NAV1: variants seen among roughly 807,000 people sequenced by gnomAD.
NAV1 encodes neuron navigator 1.
In NAV1, 18 loss-of-function variants were observed where a neutral mutation model predicts 175.2. That is an observed-to-expected ratio of 0.10 (90% CI 0.07 to 0.15). The LOEUF (loss-of-function observed/expected upper bound fraction) is 0.15, where lower values mean the gene tolerates loss of function less well. Ranked by LOEUF, NAV1 falls within the 10% of genes least tolerant of loss-of-function variation. NAV1 has a pLI of 1.00. For missense variants in NAV1, 1,731 were observed against 2,436.6 expected, an observed-to-expected ratio of 0.71 and a Z score of 6.10; for synonymous variants, 897 against 978.7, an observed-to-expected ratio of 0.92 and a Z score of 1.56.
In NAV1 at chr1:201,573,000, G is replaced by A. The variant is rs181030774; in HGVS notation, c.-143-15539G>A. Among the ~76,000 whole-genome samples the A allele has an allele frequency of 4.9e-3, 752 of 152,266 alleles. 3 individuals carry two copies. Among genetic ancestry groups the A allele is most frequent in the Middle Eastern group, 0.01 (3 of 294 alleles). The stretch of plus-strand genomic sequence containing the variant: ...AGAAGCCTGAGCCCAGCAGCCCAAG[G>A]TCAGCTCCATCTGAAACTAGTGTCA... On this transcript the variant is annotated intron_variant, in intron 1 of 33. Coordinates refer to the NAV1 transcript ENST00000685211.
At chr1:201,555,819 G>A (rs1027948448) in intron 1 of NAV1, among the ~76,000 whole-genome samples, 4 of 140,788 alleles carry the variant, frequency 2.8e-5, no homozygotes, top group Admixed American at 1.5e-4. Context: ...TCGGGAGCCA[G>A]ATGGGTTCCC....
intron 1 of NAV1, among the ~76,000 whole-genome samples, chr1:201,691,067 G>A (rs762318236): frequency 6.6e-6 from 1 of 152,210 alleles, no homozygotes; most frequent in Non-Finnish European, 1.5e-5. Context: ...CAACAGAAAG[G>A]AGGTGGTGTG....
rs142836716 is a variant in NAV1, at chr1:201,808,854, C to T, written c.4190C>T (p.Pro1397Leu). ...CTGGCACTCACCCATTCCTTCGGCC[C>T]CAGTCTTGCAGACACAGGTACCTGT... Residue 1397 changes from proline to leucine, a missense_variant, in exon 20 of 30, where the codon CCC (proline) becomes CTC (leucine). Physicochemically the swap from Pro to Leu is moderately conservative, Grantham distance 98. Coordinates refer to ENST00000367296, the Ensembl canonical transcript of NAV1. This position sits in a 1 kb window ranked among gnomAD's most constrained non-coding sequence, Gnocchi z 5.5. 1 of 1,612,220 alleles carries T rather than the reference C, an allele frequency of 6.2e-7. No individual in the cohort carries two copies. Among genetic ancestry groups the T allele is most frequent in the African/African-American group, 1.3e-5 (1 of 74,886 alleles).
At chr1:201,754,781 G>T (rs1402049807) in intron 3 of NAV1, among the ~76,000 whole-genome samples, 2 of 152,140 alleles carry the variant, frequency 1.3e-5, no homozygotes, top group East Asian at 3.8e-4. Context: ...TTGTACCACA[G>T]GATTTGATTT....
intron 1 of NAV1, among the ~76,000 whole-genome samples, chr1:201,662,427 A>G (rs188962327): frequency 6.6e-6 from 1 of 152,312 alleles, no homozygotes; most frequent in African/African-American, 2.4e-5. Context: ...GGTGTGCACC[A>G]AGACTCTGGT....
At chr1:201,791,443 G>T (rs1444937512) in intron 13 of NAV1, 1 of 151,908 alleles carries the variant, frequency 6.6e-6, no homozygotes, top group Admixed American at 6.6e-5. Flanking sequence ...GGGGAGAAAT[G>T]AAGCCACCTC....
intron 1 of NAV1, among the ~76,000 whole-genome samples, chr1:201,565,883 C>G (rs931395009): frequency 4.6e-5 from 7 of 152,172 alleles, no homozygotes; most frequent in Non-Finnish European, 7.3e-5. Flanking sequence ...TTCCCCCAAT[C>G]CCTAGTCACT....
At position 201,651,861 on chromosome 1, in the gene NAV1, G is replaced by C. The variant is rs137953784; in HGVS notation, c.757+2436G>C. 5.5e-3 allele frequency among the ~76,000 whole-genome samples: 841 copies of C among 152,216 alleles called. 4 individuals carry two copies. Among genetic ancestry groups the C allele is most frequent in the African/African-American group, 0.019 (783 of 41,530 alleles). On this transcript the variant is annotated intron_variant, in intron 1 of 29. Transcript: ENST00000367296. ...CTCCAGCTGAGAGGACCCAAAGTTG[G>C]GGGGTGGGGAGTTGGTTCAGGCTGT... is the stretch of plus-strand genomic sequence containing the variant.
rs955634230 is a variant in NAV1 at position 201,781,039 on chromosome 1, C to A, written c.1393C>A (p.Leu465Met). 3.7e-6 allele frequency: 6 copies of A among 1,613,164 alleles called. No homozygotes were observed. The Admixed American group carries it at 8.4e-5, about 22-fold the overall frequency. Residue 465 changes from leucine (L) to methionine (M), a missense_variant, in exon 5 of 30, where the codon CTG (leucine) becomes ATG (methionine). Around this residue, in one of 13 missense-constraint regions of NAV1, gnomAD observed 634 missense variants for 766.8 expected, o/e 0.83. Transcript: ENST00000367296. ...ACGCACAGACTCAGAGAAGCGCTCA[C>A]TGGCAGAAAGTGGGCTGAGCTGGTT...
At chr1:201,733,860 G>T (rs1253942292) in intron 3 of NAV1, among the ~76,000 whole-genome samples, 2 of 152,128 alleles carry the variant, frequency 1.3e-5, no homozygotes, top group African/African-American at 2.4e-5. Flanking sequence ...CAGAGGCCAT[G>T]TGTGCCATGC....
At chr1:201,664,574 G>T (rs2102363064) in intron 1 of NAV1, among the ~76,000 whole-genome samples, 1 of 152,300 alleles carries the variant, frequency 6.6e-6, no homozygotes, top group Non-Finnish European at 1.5e-5. Context: ...CTATCTCATT[G>T]TTATCTACCC....
chr1:201,711,430 A>C (rs941857226), intron 1 of NAV1, among the ~76,000 whole-genome samples: 4 of 143,196 alleles, frequency 2.8e-5, no homozygotes, highest in African/African-American at 1.0e-4. Flanking sequence ...GCTGCCTGCC[A>C]GCCGGCCTGA....
intron 2 of NAV1, among the ~76,000 whole-genome samples, chr1:201,641,539 C>A (rs1449226061): frequency 6.6e-6 from 1 of 152,178 alleles, no homozygotes; most frequent in Non-Finnish European, 1.5e-5. Flanking sequence ...GAGGGAATGA[C>A]ATGGTGGAGA....
intron 1 of NAV1, among the ~76,000 whole-genome samples, chr1:201,587,464 T>C (rs1667069161): frequency 6.6e-6 from 1 of 151,460 alleles, no homozygotes; most frequent in Non-Finnish European, 1.5e-5. Context: ...GGGGGGTGGG[T>C]TGTTTGAGTC....
At position 201,794,238 on chromosome 1, in the gene NAV1, G is replaced by A. The variant is rs544378169; in HGVS notation, c.3406-228G>A. ...GCGATCTTGGCTAACTGCAAACTCT[G>A]CCTCCCAGGTTCAAGCGATTCTCCT... On this transcript the variant is annotated intron_variant, in intron 14 of 29. Transcript: ENST00000367296. The A allele has an allele frequency of 9.5e-6, 6 of 633,540 alleles. No homozygotes were observed. In the Admixed American group the frequency reaches 1.3e-4, roughly 13 times the overall value. The allele number at this position is 633,540 out of a possible 1,614,324, so 39.2% of individuals were successfully genotyped here.
chr1:201,807,763 C>A lies in NAV1; in HGVS notation c.3649-190C>A, dbSNP rs548560051. The stretch of plus-strand genomic sequence containing the variant: ...TCTCAGCTCACTGCAACCTCTGCCT[C>A]CACGGTCCTAATTTCTAGGCAACTC... On this transcript the variant is annotated intron_variant, in intron 17 of 29. Transcript: ENST00000367296. The surrounding 1 kb of genome is among the most constrained non-coding windows in gnomAD (Gnocchi z 5.4). Among the ~76,000 whole-genome samples, 9 of 152,270 alleles carry A rather than the reference C, an allele frequency of 5.9e-5. No individual in the cohort carries two copies. The South Asian group carries it at 8.3e-4, about 14-fold the overall frequency.
At chr1:201,780,376 G>T in intron 3 of NAV1, 45 bp from the exon 8 acceptor site, 1 of 1,607,164 alleles carries the variant, frequency 6.2e-7, no homozygotes, top group South Asian at 1.1e-5. Context: ...TTTTTTGCCT[G>T]GGCTTCTGTT....
chr1:201,676,680 T>C (rs1253357838), intron 1 of NAV1, among the ~76,000 whole-genome samples: 1 of 152,218 alleles, frequency 6.6e-6, no homozygotes, highest in African/African-American at 2.4e-5. Context: ...TTTCAGAAGC[T>C]GCAGCCCAAG....
chr1:201,580,375 C>T (rs976707514), intron 1 of NAV1, among the ~76,000 whole-genome samples: 3 of 152,242 alleles, frequency 2.0e-5, no homozygotes, highest in Non-Finnish European at 4.4e-5. Flanking sequence ...TTCTTGAACA[C>T]CTGTTCTGTG....
Sources: gnomAD v4.1 joint callset for allele counts (sites outside exome capture counted in the v4.1 genomes callset) on GRCh38, gnomAD v4.1.1 for gene constraint, gnomAD v4.1.1 regional missense constraint, Gnocchi (gnomAD v3.1) non-coding constraint, MANE v1.5 for transcripts, NCBI Gene and HGNC (gene_info 2026-07-23, HGNC 2026-07-21) for gene names.